The following TBC1D15 variants were observed in gnomAD, a reference collection of about 807,000 sequenced individuals.
The protein encoded by TBC1D15 is GAP for RAB7.
A neutral mutation model predicts 95.4 loss-of-function variants in TBC1D15; 39 were observed. The ratio of observed to expected loss-of-function variants is 0.41; its 90% confidence interval spans 0.32 to 0.53. The LOEUF is 0.53. Ranked by LOEUF, TBC1D15 falls within the 20% of genes least tolerant of loss-of-function variation. The pLI is 0.29. For synonymous variants in TBC1D15, 258 were observed against 261.3 expected, an observed-to-expected ratio of 0.99 and a Z score of 0.12; for missense variants, 733 against 794.3, an observed-to-expected ratio of 0.92 and a Z score of 0.93.
chr12:71,901,020 A>G (rs748468724), intron 10 of TBC1D15, among the ~76,000 whole-genome samples: 29 of 152,224 alleles, frequency 1.9e-4, no homozygotes, highest in African/African-American at 7.0e-4. Context: ...AATATGGCAT[A>G]TGGATATTGC....
At chr12:71,892,334 A>ACT (rs1897326264) in intron 5 of TBC1D15, among the ~76,000 whole-genome samples, 1 of 152,050 alleles carries the variant, frequency 6.6e-6, no homozygotes, top group Non-Finnish European at 1.5e-5. Flanking sequence ...AGAATTGAGA[A>ACT]GGGATAACTG....
intron 1 of TBC1D15, chr12:71,841,327 C>T (rs1199235793): frequency 6.6e-6 from 1 of 152,204 alleles, no homozygotes; most frequent in African/African-American, 2.4e-5. Context: ...CTTTCATAGT[C>T]TGACTTCTTA....
At chr12:71,866,076 G>A (rs1891437150) in intron 1 of TBC1D15, among the ~76,000 whole-genome samples, 1 of 152,070 alleles carries the variant, frequency 6.6e-6, no homozygotes, top group African/African-American at 2.4e-5. Flanking sequence ...GCAAGTGTAC[G>A]TGGACTGACT....
intron 5 of TBC1D15, among the ~76,000 whole-genome samples, chr12:71,891,104 T>G (rs1057200892): frequency 2.6e-5 from 4 of 152,206 alleles, no homozygotes; most frequent in Non-Finnish European, 4.4e-5. Context: ...TTCCCAGTTT[T>G]GATTGATAAT....
At chr12:71,915,997 C>T (rs1489933541) in intron 12 of TBC1D15, among the ~76,000 whole-genome samples, 1 of 152,106 alleles carries the variant, frequency 6.6e-6, no homozygotes, top group Non-Finnish European at 1.5e-5. Context: ...AACCTAACGT[C>T]TGTAAATTTA....
At chr12:71,913,176 C>T (rs965653911) in intron 11 of TBC1D15, among the ~76,000 whole-genome samples, 1 of 151,842 alleles carries the variant, frequency 6.6e-6, no homozygotes, top group Non-Finnish European at 1.5e-5. Context: ...GGGTTAAGCC[C>T]AGTTGCTGGC....
intron 1 of TBC1D15, chr12:71,849,294 A>G (rs1004043010): frequency 3.3e-5 from 30 of 921,506 alleles, no homozygotes; most frequent in Non-Finnish European, 4.5e-5. Context: ...CCACGCTTCT[A>G]TCTGCCAGAA....
In TBC1D15 at chr12:71,897,849, A is replaced by G; in HGVS notation, c.1091A>G (p.Asp364Gly). The G allele has an allele frequency of 6.2e-7, 1 of 1,611,212 alleles. No homozygotes were observed. The highest frequency in any genetic ancestry group is 8.5e-7 in the Non-Finnish European group (1 of 1,177,892). ...ERTQLQKQKT[D>G]EYFRMKLQWK... ...TGATGTCAAATTGTTTTCTATAGTG[A>G]TGAATACTTCAGAATGAAACTGCAG... is the stretch of plus-strand genomic sequence containing the variant. The change falls in exon 10 of 17, where the codon GAT becomes GGT. Residue 364 changes from aspartate to glycine, a missense_variant and splice_region_variant. Transcript: ENST00000485960.
At chr12:71,850,482 A>T (rs1887512913) in intron 1 of TBC1D15, 1 of 183,960 alleles carries the variant, frequency 5.4e-6, no homozygotes, top group African/African-American at 2.4e-5. Context: ...ATATGATCAT[A>T]GCTCACTACA....
At chr12:71,856,910 C>G (rs989784535) in intron 1 of TBC1D15, among the ~76,000 whole-genome samples, 14 of 152,218 alleles carry the variant, frequency 9.2e-5, no homozygotes, top group African/African-American at 3.4e-4. Context: ...GAACCTTGAG[C>G]AAATCACTTG....
intron 4 of TBC1D15, among the ~76,000 whole-genome samples, chr12:71,884,172 T>C (rs1301738433): frequency 6.6e-6 from 1 of 152,184 alleles, no homozygotes; most frequent in East Asian, 1.9e-4. Context: ...TCCAGTGTTA[T>C]TTTTTATATC....
intron 11 of TBC1D15, among the ~76,000 whole-genome samples, chr12:71,911,888 C>A (rs1902465579): frequency 6.6e-6 from 1 of 152,058 alleles, no homozygotes; most frequent in South Asian, 2.1e-4. Context: ...TGTAGTGATT[C>A]CATAAGAAAG....
chr12:71,888,844 C>A (rs201590315), intron 5 of TBC1D15, among the ~76,000 whole-genome samples: 1 of 118,740 alleles, frequency 8.4e-6, no homozygotes, highest in Non-Finnish European at 1.9e-5. Context: ...ATACATGTTT[C>A]TTTTTTTTTT....
chr12:71,893,164 C>A (rs1592776575), intron 5 of TBC1D15, 58 bp from the exon 6 acceptor site: 113 of 702,092 alleles, frequency 1.6e-4, no homozygotes, highest in Middle Eastern at 5.4e-4. Context: ...AGTAATTGTT[C>A]ATGTAGTAAT....
intron 1 of TBC1D15, among the ~76,000 whole-genome samples, chr12:71,863,368 ACT>A (rs772478634): frequency 6.6e-5 from 10 of 151,742 alleles, no homozygotes. Context: ...ACAGAGTGAG[ACT>A]CTGTCTCAAA....
chr12:71,908,980 C>T (rs1901506726), intron 11 of TBC1D15, among the ~76,000 whole-genome samples: 1 of 152,114 alleles, frequency 6.6e-6, no homozygotes, highest in South Asian at 2.1e-4. Context: ...GGGAATAGGA[C>T]CATTCTCCTT....
At chr12:71,909,935 G>T (rs1298873944) in intron 11 of TBC1D15, among the ~76,000 whole-genome samples, 1 of 152,040 alleles carries the variant, frequency 6.6e-6, no homozygotes, top group East Asian at 1.9e-4. Context: ...TACAACCCAT[G>T]ACATACCCCA....
intron 1 of TBC1D15, chr12:71,861,273 A>T: frequency 2.3e-6 from 1 of 437,584 alleles, no homozygotes; most frequent in Non-Finnish European, 3.9e-6. Context: ...GAGTTTGGGA[A>T]GAATTGACAT....
intron 4 of TBC1D15, among the ~76,000 whole-genome samples, chr12:71,884,580 A>T (rs374983478): frequency 1.3e-5 from 2 of 152,266 alleles, no homozygotes. Flanking sequence ...TGTATTTTAC[A>T]TAGGAATAAC....
Sources: gnomAD v4.1 joint callset for allele counts (sites outside exome capture counted in the v4.1 genomes callset) on GRCh38, gnomAD v4.1.1 for gene constraint, MANE v1.5 for transcripts, NCBI Gene and HGNC (gene_info 2026-07-23, HGNC 2026-07-21) for gene names.